CLTCL1: variants seen among roughly 807,000 people sequenced by gnomAD.
The protein encoded by CLTCL1 is clathrin heavy chain like 1, also known as clathrin heavy chain 2.
A neutral mutation model predicts 190.0 loss-of-function variants in CLTCL1; 159 were observed. That is an observed-to-expected ratio of 0.84 (90% CI 0.74 to 0.95). The LOEUF (loss-of-function observed/expected upper bound fraction) is 0.95. CLTCL1 is among the 40% of genes least tolerant of loss of function. The pLI, the probability that CLTCL1 is intolerant of heterozygous loss-of-function variation, is 0.00. For missense variants in CLTCL1, 1,878 were observed against 2,033.4 expected, an observed-to-expected ratio of 0.92 and a Z score of 1.47; for synonymous variants, 752 against 769.6, an observed-to-expected ratio of 0.98 and a Z score of 0.38.
At chr22:19,270,620 A>G (rs2800978) in intron 2 of CLTCL1, among the ~76,000 whole-genome samples, 10,770 of 150,428 alleles carry the variant, frequency 0.072, 467 homozygotes, top group Middle Eastern at 0.17. Context: ...CCAGCTACTC[A>G]GGAGGCTGAG....
In CLTCL1 at chr22:19,235,738, G is replaced by A. The variant is rs186349739; in HGVS notation, c.927C>T (p.His309=). 5.1e-5 allele frequency: 82 copies of A among 1,613,986 alleles called. No homozygotes were observed. In the East Asian group the frequency reaches 1.8e-3, roughly 36 times the overall value. The change falls in exon 6 of 33, where the codon CAC becomes CAT. Residue 309 remains histidine, a synonymous_variant. Coordinates refer to ENST00000427926, the MANE Select transcript of CLTCL1 (RefSeq NM_007098.4). ...CACCAATAATTCCAGAGGTTGGTTT[G>A]TGTGGAGCAGTGACAAATATTGTGT... The part of the protein sequence containing the change: ...SADTIFVTAP[H]KPTSGIIGVN...
intron 22 of CLTCL1, among the ~76,000 whole-genome samples, chr22:19,202,546 G>GTCATCCATGGCACCTCCCCTCCTTCCA (rs1366318312): frequency 1.2e-5 from 1 of 84,292 alleles, no homozygotes; most frequent in Non-Finnish European, 2.2e-5. Flanking sequence ...CCCTCCTTCT[G>GTCATCCATGGCACCTCCCCTCCTTCCA]TCATCCATGG....
intron 3 of CLTCL1, among the ~76,000 whole-genome samples, chr22:19,243,274 A>G (rs2086312118): frequency 6.6e-6 from 1 of 152,220 alleles, no homozygotes; most frequent in Non-Finnish European, 1.5e-5. Flanking sequence ...CGGGGGATGC[A>G]ATCACAGGTA....
chr22:19,214,581 A>G (rs2085327215), intron 19 of CLTCL1, among the ~76,000 whole-genome samples: 2 of 152,108 alleles, frequency 1.3e-5, no homozygotes, highest in Non-Finnish European at 2.9e-5. Context: ...GTTTTTCACT[A>G]AAGGTTTATT....
chr22:19,249,839 A>G (rs2086535733), intron 3 of CLTCL1: 2 of 388,704 alleles, frequency 5.1e-6, no homozygotes, highest in Admixed American at 5.9e-5. Flanking sequence ...TTCACAAACC[A>G]TCAAAGCTGA....
At chr22:19,184,420 CT>C (rs1555927307) in intron 29 of CLTCL1, 1 of 454,804 alleles carries the variant, frequency 2.2e-6, no homozygotes, top group East Asian at 6.9e-5. Context: ...TGGGAGACCC[CT>C]GAGGACGCCC....
intron 1 of CLTCL1, among the ~76,000 whole-genome samples, chr22:19,288,519 C>T (rs2087991172): frequency 1.3e-5 from 2 of 152,152 alleles, no homozygotes; most frequent in South Asian, 2.1e-4. Flanking sequence ...AAGAAGTATA[C>T]CTTTTATCCT....
intron 26 of CLTCL1, among the ~76,000 whole-genome samples, chr22:19,195,412 G>A (rs1601472246): frequency 6.6e-6 from 1 of 152,306 alleles, no homozygotes; most frequent in African/African-American, 2.4e-5. Context: ...AAAGGCAGAG[G>A]CTGAAGGCCT....
At chr22:19,261,830 A>G (rs782742939) in intron 2 of CLTCL1, among the ~76,000 whole-genome samples, 6 of 152,312 alleles carry the variant, frequency 3.9e-5, no homozygotes, top group South Asian at 2.1e-4. Context: ...AATTACTACA[A>G]GAATTTAGAA....
chr22:19,282,628 CAAA>C (rs1360400448), intron 1 of CLTCL1, among the ~76,000 whole-genome samples: 1 of 88,322 alleles, frequency 1.1e-5, no homozygotes. Context: ...GACTCTGTCT[CAAA>C]AAAAAAAAAA....
At chr22:19,220,637 G>C (rs538248858) in intron 17 of CLTCL1, among the ~76,000 whole-genome samples, 1 of 152,330 alleles carries the variant, frequency 6.6e-6, no homozygotes, top group Admixed American at 6.5e-5. Flanking sequence ...GATCTGTTGA[G>C]TGCCAGATGC....
At chr22:19,185,447 C>A (rs570305402) in intron 29 of CLTCL1, among the ~76,000 whole-genome samples, 311 of 152,256 alleles carry the variant, frequency 2.0e-3, no homozygotes, top group African/African-American at 7.3e-3. Flanking sequence ...CTGCCTCAGC[C>A]TCCTGAGTGG....
rs376428646 is a variant in CLTCL1, at chr22:19,239,396, A to T, written c.682-8T>A. 6.2e-7 allele frequency: 1 copy of T among 1,610,144 alleles called. No homozygotes were observed. The highest frequency in any genetic ancestry group is 1.1e-5 in the South Asian group (1 of 91,006). ...AACTTCAATGATGTGCAACTAGAAG[A>T]GAGATTTTAGGTCAATCAAGGGGAC... On this transcript the variant is annotated splice_polypyrimidine_tract_variant and splice_region_variant and intron_variant, in intron 4 of 32. Coordinates refer to ENST00000427926, the MANE Select transcript of CLTCL1 (RefSeq NM_007098.4).
chr22:19,208,671 G>A (rs1015845483), intron 21 of CLTCL1, among the ~76,000 whole-genome samples: 39 of 151,710 alleles, frequency 2.6e-4, no homozygotes, highest in African/African-American at 9.2e-4. Context: ...CTACAGTGGC[G>A]ATATTGAGAT....
intron 1 of CLTCL1, among the ~76,000 whole-genome samples, chr22:19,283,757 C>T (rs1244170282): frequency 2.6e-5 from 4 of 151,654 alleles, no homozygotes; most frequent in Admixed American, 1.3e-4. Flanking sequence ...TTTGGGAGGC[C>T]GAGGCGGGTA....
At chr22:19,249,510 C>A (rs184715711) in intron 3 of CLTCL1, among the ~76,000 whole-genome samples, 2 of 150,952 alleles carry the variant, frequency 1.3e-5, no homozygotes, top group South Asian at 4.2e-4. Flanking sequence ...CTGGCCAACA[C>A]GGTGAAACCC....
At chr22:19,217,953 G>A (rs1248233948) in intron 18 of CLTCL1, among the ~76,000 whole-genome samples, 5 of 152,162 alleles carry the variant, frequency 3.3e-5, no homozygotes, top group African/African-American at 1.2e-4. Flanking sequence ...ATCTGTTTGA[G>A]TCAATACAGG....
At chr22:19,286,876 G>A (rs2087926093) in intron 1 of CLTCL1, among the ~76,000 whole-genome samples, 1 of 152,186 alleles carries the variant, frequency 6.6e-6, no homozygotes, top group African/African-American at 2.4e-5. Flanking sequence ...GAGAAGCACT[G>A]ATTAAGATCT....
chr22:19,206,461 G>A (rs1468776104), intron 22 of CLTCL1, among the ~76,000 whole-genome samples: 1 of 152,138 alleles, frequency 6.6e-6, no homozygotes, highest in African/African-American at 2.4e-5. Flanking sequence ...GTCCAGGCTG[G>A]TCTTGAACTC....
Sources: allele counts gnomAD v4.1 joint callset (sites outside exome capture counted in the v4.1 genomes callset), GRCh38; gene constraint gnomAD v4.1.1; transcripts MANE v1.5; gene names NCBI Gene and HGNC (gene_info 2026-07-23, HGNC 2026-07-21).